The following SPIDR variants were observed in gnomAD, a reference collection of about 807,000 sequenced individuals.
SPIDR encodes the protein DNA repair-scaffolding protein.
Under a neutral mutation model 104.6 loss-of-function variants are expected in SPIDR, and 93 were observed. That is an observed-to-expected ratio of 0.89 (90% CI 0.75 to 1.06). SPIDR has a LOEUF of 1.06. Ranked by LOEUF, SPIDR falls within the 50% of genes least tolerant of loss-of-function variation. The pLI is 0.00. For synonymous variants in SPIDR, 431 were observed against 416.9 expected, an observed-to-expected ratio of 1.03 and a Z score of -0.41; for missense variants, 1,154 against 1,111.2, an observed-to-expected ratio of 1.04 and a Z score of -0.55.
chr8:47,541,046 G>A lies in SPIDR; in HGVS notation c.1098-54765G>A, dbSNP rs531921235. On this transcript the variant is annotated intron_variant, in intron 8 of 19. Coordinates refer to ENST00000297423, the MANE Select transcript of SPIDR (RefSeq NM_001080394.4). ...GGCTAATTTTTGTATTTTTAATAGA[G>A]GTGGGGTTTTACCATGTTGACCAGG... 2.6e-5 allele frequency among the ~76,000 whole-genome samples: 4 copies of A among 152,206 alleles called. No individual in the cohort carries two copies. In the South Asian group the frequency reaches 8.3e-4, roughly 32 times the overall value.
chr8:47,657,770 C>T (rs2073118329), intron 10 of SPIDR, among the ~76,000 whole-genome samples: 1 of 152,002 alleles, frequency 6.6e-6, no homozygotes, highest in South Asian at 2.1e-4. Flanking sequence ...TGGCTCTTGC[C>T]TCCAATCCCA....
At chr8:47,699,428 C>G (rs932399903) in intron 11 of SPIDR, among the ~76,000 whole-genome samples, 1 of 152,234 alleles carries the variant, frequency 6.6e-6, no homozygotes, top group Admixed American at 6.5e-5. Flanking sequence ...TTCCCCATCT[C>G]TGTTAACAAG....
chr8:47,341,055 G>C (rs541071940), intron 5 of SPIDR, among the ~76,000 whole-genome samples: 2 of 152,134 alleles, frequency 1.3e-5, no homozygotes, highest in African/African-American at 2.4e-5. Context: ...CAGTCAGCTT[G>C]GGGGGGATGC....
At chr8:47,630,378 C>T (rs377274638) in intron 10 of SPIDR, among the ~76,000 whole-genome samples, 4 of 152,098 alleles carry the variant, frequency 2.6e-5, no homozygotes, top group Non-Finnish European at 5.9e-5. Context: ...CTCAAAATTC[C>T]GGTGCCAGCT....
chr8:47,624,797 C>G (rs1013609597), intron 10 of SPIDR, among the ~76,000 whole-genome samples: 4 of 152,188 alleles, frequency 2.6e-5, no homozygotes, highest in African/African-American at 9.6e-5. Flanking sequence ...AAGCCGAATT[C>G]TACCAGAGGT....
intron 8 of SPIDR, among the ~76,000 whole-genome samples, chr8:47,510,776 T>C (rs1199411893): frequency 1.3e-5 from 2 of 152,272 alleles, no homozygotes; most frequent in African/African-American, 4.8e-5. Flanking sequence ...TATTTCTTTT[T>C]AGTGAAAATA....
intron 11 of SPIDR, among the ~76,000 whole-genome samples, chr8:47,689,822 A>T (rs1409590147): frequency 6.6e-6 from 1 of 152,184 alleles, no homozygotes; most frequent in Non-Finnish European, 1.5e-5. Flanking sequence ...GGCACACTGC[A>T]GGCTGCTTAC....
chr8:47,500,157 G>C lies in SPIDR; in HGVS notation c.1097+59615G>C, dbSNP rs559313067. Among the ~76,000 whole-genome samples, 97 of 152,114 alleles carry C rather than the reference G, an allele frequency of 6.4e-4. 1 individual carries two copies. The South Asian group carries it at 0.015, about 23-fold the overall frequency. ...ATTTATAATCCTTTGGGTATATACCGAGTAATGGGCTGGCTGGGTCAAATG... is the reference window on the plus strand; with the variant it reads ...ATTTATAATCCTTTGGGTATATACCCAGTAATGGGCTGGCTGGGTCAAATG... On this transcript the variant is annotated intron_variant, in intron 8 of 19. Coordinates refer to ENST00000297423, the MANE Select transcript of SPIDR (RefSeq NM_001080394.4).
At chr8:47,335,462 CT>C (rs1421684775) in intron 5 of SPIDR, among the ~76,000 whole-genome samples, 7 of 152,070 alleles carry the variant, frequency 4.6e-5, no homozygotes, top group African/African-American at 1.7e-4. Context: ...GTTTTGGTTT[CT>C]TTTTGAAATG....
chr8:47,478,619 A>G (rs140530739), intron 8 of SPIDR, among the ~76,000 whole-genome samples: 2 of 152,336 alleles, frequency 1.3e-5, no homozygotes, highest in African/African-American at 4.8e-5. Flanking sequence ...TTGGGTTCAT[A>G]TGAACACACA....
At chr8:47,547,015 C>G (rs1251677755) in intron 8 of SPIDR, 1 of 497,526 alleles carries the variant, frequency 2.0e-6, no homozygotes, top group Middle Eastern at 3.3e-4. Context: ...GTAATGACAC[C>G]AGTTCTTCCC....
At chr8:47,436,549 C>A (rs967176313) in intron 7 of SPIDR, among the ~76,000 whole-genome samples, 5 of 152,032 alleles carry the variant, frequency 3.3e-5, no homozygotes, top group Non-Finnish European at 7.4e-5. Context: ...AAGTGAGACC[C>A]TGTCTCTACA....
intron 8 of SPIDR, among the ~76,000 whole-genome samples, chr8:47,536,709 C>T (rs979484669): frequency 6.6e-6 from 1 of 151,926 alleles, no homozygotes; most frequent in East Asian, 1.9e-4. Context: ...TGGCAGTGAC[C>T]AAAGGCACTA....
At chr8:47,373,312 G>A (rs577963847) in intron 5 of SPIDR, among the ~76,000 whole-genome samples, 3 of 151,920 alleles carry the variant, frequency 2.0e-5, no homozygotes, top group Admixed American at 1.3e-4. Context: ...TCTTATTTAG[G>A]GTATATTAAA....
intron 8 of SPIDR, among the ~76,000 whole-genome samples, chr8:47,536,362 A>G (rs1180941562): frequency 6.6e-6 from 1 of 152,198 alleles, no homozygotes; most frequent in Non-Finnish European, 1.5e-5. Flanking sequence ...AACAAAGAGA[A>G]GTGACATTAT....
At chr8:47,403,312 T>G (rs563901897) in intron 6 of SPIDR, among the ~76,000 whole-genome samples, 1 of 152,300 alleles carries the variant, frequency 6.6e-6, no homozygotes, top group Admixed American at 6.5e-5. Context: ...GGATGCCCTC[T>G]CTCACCACTC....
At chr8:47,598,725 C>T (rs2061904368) in intron 9 of SPIDR, among the ~76,000 whole-genome samples, 1 of 152,172 alleles carries the variant, frequency 6.6e-6, no homozygotes. Context: ...GGTCCTTGTT[C>T]TTTCACTCGC....
In SPIDR at chr8:47,307,232, C is replaced by CT. The variant is rs781836480; in HGVS notation, c.525+13214dup. Reference sequence around the variant, plus strand: ...TAAATTCCTTTCTTCTTTCTTTCTTCTTTTTTTTTTTTAATGGAGTCTCTA... The same window carrying CT: ...TAAATTCCTTTCTTCTTTCTTTCTTCTTTTTTTTTTTTTAATGGAGTCTCTA... On this transcript the variant is annotated intron_variant, in intron 5 of 19. Coordinates refer to ENST00000297423, the MANE Select transcript of SPIDR (RefSeq NM_001080394.4). Among the ~76,000 whole-genome samples the CT allele has an allele frequency of 5.1e-3, 704 of 139,208 alleles. 5 individuals are homozygous for CT. The highest frequency in any genetic ancestry group is 0.018 in the South Asian group (79 of 4,360). The allele number at this position is 139,208 out of a possible 152,430, so 91.3% of individuals were successfully genotyped here. A position where few individuals can be genotyped will look rare whatever the true frequency, so the allele number is the denominator to read the frequency against.
Position 47,595,803 on chromosome 8 carries a change from T to C in SPIDR, c.1098-8T>C. The C allele has an allele frequency of 6.2e-7, 1 of 1,613,246 alleles. No homozygotes were observed. Among genetic ancestry groups the C allele is most frequent in the Middle Eastern group, 1.7e-4 (1 of 6,060 alleles). On this transcript the variant is annotated splice_region_variant and splice_polypyrimidine_tract_variant and intron_variant, in intron 8 of 19. Coordinates refer to ENST00000297423, the MANE Select transcript of SPIDR (RefSeq NM_001080394.4). ...AAAGAAACTGTTGCATGTCTTTCTC[T>C]TTTCCAGGCAAAAACTGATTATTCC...
Sources: gnomAD v4.1 joint callset for allele counts (sites outside exome capture counted in the v4.1 genomes callset) on GRCh38, gnomAD v4.1.1 for gene constraint, MANE v1.5 for transcripts, NCBI Gene and HGNC (gene_info 2026-07-23, HGNC 2026-07-21) for gene names.